The following TESC variants were observed in gnomAD, a reference collection of about 807,000 sequenced individuals.
TESC encodes the protein tescalcin.
A neutral mutation model predicts 31.0 loss-of-function variants in TESC; 19 were observed. That is an observed-to-expected ratio of 0.61 (90% CI 0.43 to 0.90). The LOEUF (loss-of-function observed/expected upper bound fraction) is 0.90. Ranked by LOEUF, TESC falls within the 40% of genes least tolerant of loss-of-function variation. The pLI is 0.00. For missense variants in TESC, 248 were observed against 303.8 expected, an observed-to-expected ratio of 0.82 and a Z score of 1.36; for synonymous variants, 109 against 114.8, an observed-to-expected ratio of 0.95 and a Z score of 0.32.
At chr12:117,065,671 T>A (rs193286487) in intron 2 of TESC, among the ~76,000 whole-genome samples, 27 of 152,152 alleles carry the variant, frequency 1.8e-4, no homozygotes, top group Middle Eastern at 3.4e-3. Context: ...AGAGGACTCC[T>A]TGAGCCCAGG....
chr12:117,095,219 C>T (rs1396984490), intron 1 of TESC, among the ~76,000 whole-genome samples: 3 of 149,628 alleles, frequency 2.0e-5, no homozygotes, highest in African/African-American at 7.3e-5. Context: ...GGATTACAGG[C>T]GTCTGCCACC....
Position 117,088,680 on chromosome 12 carries a change from CA to C in TESC, c.58+10544del, listed in dbSNP as rs60089641. Among the ~76,000 whole-genome samples the C allele has an allele frequency of 7.5e-3, 902 of 120,824 alleles. 9 individuals are homozygous for C. Among genetic ancestry groups the C allele is most frequent in the African/African-American group, 0.02 (694 of 34,218 alleles). 79.3% of individuals were successfully genotyped at this position (120,824 alleles called of 152,430 possible). Reference sequence around the variant, plus strand: ...TGGGCGACAGAGTGAGACTCTGTCTCAAAAAAAAAAAAAAAATGTACAAGGC... The same window carrying C: ...TGGGCGACAGAGTGAGACTCTGTCTCAAAAAAAAAAAAAAATGTACAAGGC... On this transcript the variant is annotated intron_variant, in intron 1 of 7. Transcript: ENST00000335209.
chr12:117,068,454 G>A (rs1237384743), intron 2 of TESC, among the ~76,000 whole-genome samples: 1 of 152,176 alleles, frequency 6.6e-6, no homozygotes, highest in Non-Finnish European at 1.5e-5. Context: ...GCTTGAACCT[G>A]GGACGGGGAG....
In TESC at chr12:117,085,122, G is replaced by C. The variant is rs568457324; in HGVS notation, c.59-9782C>G. On this transcript the variant is annotated intron_variant, in intron 1 of 7. Coordinates refer to ENST00000335209, the MANE Select transcript of TESC (RefSeq NM_017899.4). ...GGAGCAGGAGGTGATGCCCAATGGG[G>C]TTCTGGGGGTGGGGTGGACAGGGCT... Among the ~76,000 whole-genome samples the C allele has an allele frequency of 1.1e-3, 165 of 152,338 alleles. 1 individual carries two copies. The highest frequency in any genetic ancestry group is 3.7e-3 in the African/African-American group (155 of 41,580).
At chr12:117,076,572 T>C (rs1955077217) in intron 1 of TESC, among the ~76,000 whole-genome samples, 1 of 151,660 alleles carries the variant, frequency 6.6e-6, no homozygotes, top group Non-Finnish European at 1.5e-5. Context: ...GCCTCCCAAG[T>C]AGCTGGGATT....
intron 1 of TESC, among the ~76,000 whole-genome samples, chr12:117,097,501 C>A (rs1487831485): frequency 6.6e-6 from 1 of 152,072 alleles, no homozygotes; most frequent in East Asian, 1.9e-4. Flanking sequence ...CAGAGAATGC[C>A]CATCGACACC....
At chr12:117,080,223 T>C (rs1955127129) in intron 1 of TESC, among the ~76,000 whole-genome samples, 1 of 152,096 alleles carries the variant, frequency 6.6e-6, no homozygotes, top group Non-Finnish European at 1.5e-5. Context: ...AATCCAGCAC[T>C]TCGGGAGGCT....
intron 4 of TESC, chr12:117,048,756 G>C (rs1954603859): frequency 1.6e-6 from 1 of 618,030 alleles, no homozygotes; most frequent in African/African-American, 1.8e-5. Flanking sequence ...TTTGCATCAA[G>C]GGCCTTGTTT....
chr12:117,071,080 G>A (rs1199992818), intron 2 of TESC, among the ~76,000 whole-genome samples: 4 of 152,216 alleles, frequency 2.6e-5, no homozygotes, highest in Non-Finnish European at 4.4e-5. Flanking sequence ...CAAGACCCCT[G>A]CTGAATTCTT....
chr12:117,064,640 G>A (rs1024025037), intron 2 of TESC, among the ~76,000 whole-genome samples: 4 of 152,240 alleles, frequency 2.6e-5, no homozygotes, highest in African/African-American at 9.6e-5. Flanking sequence ...ATGGGAAATA[G>A]AGTATCTCAG....
intron 1 of TESC, among the ~76,000 whole-genome samples, chr12:117,085,389 C>G (rs899522014): frequency 1.3e-5 from 2 of 152,174 alleles, no homozygotes; most frequent in African/African-American, 4.8e-5. Flanking sequence ...TGAGAGACAG[C>G]AGGTGCAGCC....
chr12:117,051,401 A>G (rs1451567315), intron 3 of TESC, among the ~76,000 whole-genome samples: 1 of 152,130 alleles, frequency 6.6e-6, no homozygotes, highest in Non-Finnish European at 1.5e-5. Flanking sequence ...GAAACTGCCC[A>G]TCTGCGGGAT....
intron 2 of TESC, among the ~76,000 whole-genome samples, chr12:117,059,664 T>C (rs1954774775): frequency 6.6e-6 from 1 of 152,150 alleles, no homozygotes; most frequent in Non-Finnish European, 1.5e-5. Context: ...ATAGTGGATC[T>C]CGGCTGCAAT....
chr12:117,094,790 C>A (rs1263935502), intron 1 of TESC, among the ~76,000 whole-genome samples: 1 of 151,780 alleles, frequency 6.6e-6, no homozygotes, highest in Non-Finnish European at 1.5e-5. Context: ...CAGAGGCAGG[C>A]GGATCACTTA....
Position 117,049,119 on chromosome 12 carries a change from G to A in TESC, c.249C>T (p.Ile83=). Residue 83 remains isoleucine, a synonymous_variant, in exon 4 of 8, where the codon ATC becomes ATT. Coordinates refer to ENST00000335209, the MANE Select transcript of TESC (RefSeq NM_017899.4). ...RKGPSGLADE[I]NFEDFLTIMS... is the part of the protein sequence containing the mutation. ...TGATGGTCAGGAAGTCCTCGAAATT[G>A]ATCTCATCAGCCAGGCCACTGGGTC... The A allele has an allele frequency of 3.7e-6, 6 of 1,614,252 alleles. No homozygotes were observed. The highest frequency in any genetic ancestry group is 5.1e-6 in the Non-Finnish European group (6 of 1,180,040).
At chr12:117,086,870 G>A (rs1205637466) in intron 1 of TESC, among the ~76,000 whole-genome samples, 1 of 152,238 alleles carries the variant, frequency 6.6e-6, no homozygotes, top group Non-Finnish European at 1.5e-5. Flanking sequence ...TGTTATTATT[G>A]TTCCCTAAGT....
chr12:117,098,011 G>C (rs1356012965), intron 1 of TESC, among the ~76,000 whole-genome samples: 1 of 152,076 alleles, frequency 6.6e-6, no homozygotes, highest in Non-Finnish European at 1.5e-5. Context: ...AGACGTATAA[G>C]TGCGTGCATA....
chr12:117,065,100 C>T (rs943980586), intron 2 of TESC, among the ~76,000 whole-genome samples: 1 of 152,192 alleles, frequency 6.6e-6, no homozygotes, highest in African/African-American at 2.4e-5. Flanking sequence ...GAGGCCTCAG[C>T]GGAGGCTCTG....
chr12:117,049,326 G>C (rs1468805708), intron 3 of TESC, among the ~76,000 whole-genome samples, 168 bp from the exon 4 acceptor site: 2 of 152,238 alleles, frequency 1.3e-5, no homozygotes, highest in Non-Finnish European at 2.9e-5. Flanking sequence ...CGGGGCTGCA[G>C]GCTCCGGAAG....
Sources: allele counts gnomAD v4.1 joint callset (sites outside exome capture counted in the v4.1 genomes callset), GRCh38; gene constraint gnomAD v4.1.1; transcripts MANE v1.5; gene names NCBI Gene and HGNC (gene_info 2026-07-23, HGNC 2026-07-21).